Variants in ADGRB3 observed in about 807,000 individuals in gnomAD.
ADGRB3 encodes the protein brain-specific angiogenesis inhibitor 3.
ADGRB3 carries 37 observed loss-of-function variants against 193.4 expected under a neutral mutation model. The ratio of observed to expected loss-of-function variants is 0.19; its 90% CI spans 0.15 to 0.25. The LOEUF (loss-of-function observed/expected upper bound fraction) is 0.25, where lower values mean the gene tolerates loss of function less well. Ranked by LOEUF, ADGRB3 falls within the 10% of genes least tolerant of loss-of-function variation. The pLI is 1.00. For synonymous variants in ADGRB3, 690 were observed against 644.2 expected (o/e 1.07, Z -1.08); for missense variants, 1,637 against 1,852.9 (o/e 0.88, Z 2.14).
At chr6:68,943,027 A>G (rs1767684689) in intron 5 of ADGRB3, among the ~76,000 whole-genome samples, 1 of 152,226 alleles carries the variant, frequency 6.6e-6, no homozygotes. Flanking sequence ...TTGTAGTAGT[A>G]TGTTTGAAGA....
At chr6:69,108,732 GA>G (rs1773287326) in intron 17 of ADGRB3, among the ~76,000 whole-genome samples, 1 of 152,130 alleles carries the variant, frequency 6.6e-6, no homozygotes, top group African/African-American at 2.4e-5. Flanking sequence ...AGTCATCCAG[GA>G]AAAGATTTGG....
At chr6:69,292,121 C>A (rs1323434827) in intron 20 of ADGRB3, among the ~76,000 whole-genome samples, 2 of 152,168 alleles carry the variant, frequency 1.3e-5, no homozygotes, top group Non-Finnish European at 2.9e-5. Flanking sequence ...TTAACTATTT[C>A]TTTACATCTT....
intron 17 of ADGRB3, among the ~76,000 whole-genome samples, chr6:69,144,059 C>A (rs1774415570): frequency 6.6e-6 from 1 of 152,144 alleles, no homozygotes; most frequent in Non-Finnish European, 1.5e-5. Flanking sequence ...AAATTTCCTT[C>A]ATCAATGTTT....
intron 17 of ADGRB3, among the ~76,000 whole-genome samples, chr6:69,155,824 T>C (rs978230040): frequency 3.3e-5 from 5 of 152,186 alleles, no homozygotes; most frequent in African/African-American, 1.2e-4. Flanking sequence ...TTTCTTCATT[T>C]AGAAGCTTCA....
chr6:69,001,341 T>C (rs1769570569), intron 11 of ADGRB3, among the ~76,000 whole-genome samples: 1 of 152,146 alleles, frequency 6.6e-6, no homozygotes, highest in Non-Finnish European at 1.5e-5. Context: ...TTTTGGAAAA[T>C]AGGGTGCATG....
intron 3 of ADGRB3, among the ~76,000 whole-genome samples, chr6:68,831,448 G>A (rs2127383990): frequency 6.6e-6 from 1 of 151,266 alleles, no homozygotes; most frequent in South Asian, 2.1e-4. Flanking sequence ...AGAAGACTGA[G>A]TTGTATTTAT....
chr6:69,255,080 G>A (rs1766727584), intron 20 of ADGRB3, among the ~76,000 whole-genome samples: 1 of 151,334 alleles, frequency 6.6e-6, no homozygotes, highest in Non-Finnish European at 1.5e-5. Flanking sequence ...GTGTATATGT[G>A]CCACATTTTC....
chr6:68,842,212 A>C (rs1241569067), intron 3 of ADGRB3, among the ~76,000 whole-genome samples: 2 of 151,950 alleles, frequency 1.3e-5, no homozygotes, highest in Non-Finnish European at 2.9e-5. Context: ...TGAAGAAAAT[A>C]ATACAAAAAT....
At chr6:68,775,797 T>A (rs1766735444) in intron 3 of ADGRB3, among the ~76,000 whole-genome samples, 1 of 152,162 alleles carries the variant, frequency 6.6e-6, no homozygotes, top group Admixed American at 6.6e-5. Flanking sequence ...CCTTAATTCA[T>A]TTTGAATCCA....
chr6:68,795,894 C>T (rs1320914891), intron 3 of ADGRB3, among the ~76,000 whole-genome samples: 1 of 152,058 alleles, frequency 6.6e-6, no homozygotes, highest in African/African-American at 2.4e-5. Context: ...GCTTGACTGG[C>T]TTGCAGACTT....
chr6:68,979,873 C>T (rs1768857636), intron 10 of ADGRB3, among the ~76,000 whole-genome samples: 2 of 151,362 alleles, frequency 1.3e-5, no homozygotes, highest in Non-Finnish European at 3.0e-5. Context: ...TCCTCTTCCT[C>T]CTCTTCCTCT....
At chr6:68,840,622 T>A (rs1168484048) in intron 3 of ADGRB3, among the ~76,000 whole-genome samples, 1 of 151,682 alleles carries the variant, frequency 6.6e-6, no homozygotes, top group Non-Finnish European at 1.5e-5. Context: ...GTCTTGTGGG[T>A]TGGGTGTCAG....
intron 3 of ADGRB3, among the ~76,000 whole-genome samples, chr6:68,861,109 A>G (rs1162254219): frequency 1.3e-5 from 2 of 152,180 alleles, no homozygotes; most frequent in Non-Finnish European, 2.9e-5. Context: ...ACTGTCTGAG[A>G]ACCACTGTGC....
At position 69,233,184 on chromosome 6, in the gene ADGRB3, G is replaced by A. The variant is rs775172148; in HGVS notation, c.2481-106G>A. ...AAGTAGATTTTTTTTTCCTGTACAG[G>A]AATTACAGTAGACGACTCTCTCAAT... On this transcript the variant is annotated intron_variant, in intron 17 of 31. Coordinates refer to ENST00000370598, the MANE Select transcript of ADGRB3 (RefSeq NM_001704.3). The A allele has an allele frequency of 4.9e-6, 7 of 1,435,390 alleles. No individual in the cohort carries two copies. In the African/African-American group the frequency reaches 8.6e-5, roughly 18 times the overall value. The allele number at this position is 1,435,390 out of a possible 1,614,324, so 88.9% of individuals were successfully genotyped here.
intron 3 of ADGRB3, among the ~76,000 whole-genome samples, chr6:68,801,585 A>T (rs918388994): frequency 6.6e-5 from 10 of 152,152 alleles, no homozygotes; most frequent in Admixed American, 6.5e-4. Flanking sequence ...GCTTCTTGGG[A>T]GGCTGAGGCA....
At chr6:68,892,311 C>T (rs1766101520) in intron 3 of ADGRB3, among the ~76,000 whole-genome samples, 5 of 152,150 alleles carry the variant, frequency 3.3e-5, no homozygotes, top group African/African-American at 1.2e-4. Context: ...AGCCTCACTC[C>T]ATCCATCTGA....
At chr6:68,910,189 C>A (rs1399579753) in intron 3 of ADGRB3, among the ~76,000 whole-genome samples, 1 of 152,224 alleles carries the variant, frequency 6.6e-6, no homozygotes, top group African/African-American at 2.4e-5. Context: ...TGTCTTTTGG[C>A]TGCATAAATA....
At chr6:68,636,672 G>T (rs1451934534) in intron 1 of ADGRB3, among the ~76,000 whole-genome samples, 1 of 152,014 alleles carries the variant, frequency 6.6e-6, no homozygotes, top group African/African-American at 2.4e-5. Context: ...TATTGAGTGC[G>T]CTCTCTTGAG....
intron 13 of ADGRB3, among the ~76,000 whole-genome samples, chr6:69,022,353 T>C (rs770459041): frequency 9.2e-5 from 14 of 151,874 alleles, no homozygotes; most frequent in Non-Finnish European, 1.9e-4. Flanking sequence ...TGGAGGGCCA[T>C]ATCTTTATAT....
Sources: allele counts gnomAD v4.1 joint callset (sites outside exome capture counted in the v4.1 genomes callset), GRCh38; gene constraint gnomAD v4.1.1; transcripts MANE v1.5; gene names NCBI Gene and HGNC (gene_info 2026-07-23, HGNC 2026-07-21).